The following SLC39A11 variants were observed in gnomAD, a reference collection of about 807,000 sequenced individuals.
SLC39A11 encodes the protein solute carrier family 39 member 11.
Under a neutral mutation model 36.1 loss-of-function variants are expected in SLC39A11, and 33 were observed. That is an observed-to-expected ratio of 0.91 (90% CI 0.69 to 1.22). The LOEUF is 1.22. Ranked by LOEUF, SLC39A11 falls within the 50% of genes most tolerant of loss-of-function variation. SLC39A11 has a pLI of 0.00. For missense variants in SLC39A11, 432 were observed against 430.3 expected (o/e 1.00, Z -0.03); for synonymous variants, 166 against 170.3 (o/e 0.97, Z 0.20).
intron 7 of SLC39A11, among the ~76,000 whole-genome samples, chr17:72,665,715 A>C (rs1323821720): frequency 2.6e-5 from 4 of 152,110 alleles, no homozygotes. Context: ...TTACGCAGCA[A>C]TAAGTAACTA....
chr17:73,091,627 CAAG>C (rs532581137), intron 1 of SLC39A11, among the ~76,000 whole-genome samples: 24 of 152,094 alleles, frequency 1.6e-4, no homozygotes, highest in Non-Finnish European at 2.8e-4. Flanking sequence ...CCCAAGAGAA[CAAG>C]AAGTTTTCTC....
intron 6 of SLC39A11, among the ~76,000 whole-genome samples, chr17:72,848,522 C>T (rs2079152644): frequency 6.6e-6 from 1 of 152,082 alleles, no homozygotes; most frequent in Non-Finnish European, 1.5e-5. Context: ...GAGTTCAAGA[C>T]CAGCCTGGCC....
At chr17:73,040,669 TAA>T (rs1206429109) in intron 3 of SLC39A11, among the ~76,000 whole-genome samples, 1 of 152,160 alleles carries the variant, frequency 6.6e-6, no homozygotes, top group Non-Finnish European at 1.5e-5. Flanking sequence ...TACTTCCAAA[TAA>T]AGAGCTTATT....
chr17:72,751,106 A>T (rs1395464285), intron 6 of SLC39A11, among the ~76,000 whole-genome samples: 1 of 152,056 alleles, frequency 6.6e-6, no homozygotes, highest in Admixed American at 6.5e-5. Context: ...AAATTAGACG[A>T]GCGTGGTGGT....
chr17:72,829,894 G>A (rs114749384), intron 6 of SLC39A11, among the ~76,000 whole-genome samples: 1 of 152,284 alleles, frequency 6.6e-6, no homozygotes, highest in African/African-American at 2.4e-5. Context: ...CCCGGACTCA[G>A]TAAAGGAACA....
chr17:73,018,308 C>T (rs773046396), intron 4 of SLC39A11, among the ~76,000 whole-genome samples: 19 of 152,090 alleles, frequency 1.2e-4, no homozygotes, highest in Non-Finnish European at 2.2e-4. Flanking sequence ...AGGCACTTTG[C>T]GAGGCCAAGG....
At chr17:73,048,992 G>A (rs9914201) in intron 3 of SLC39A11, among the ~76,000 whole-genome samples, 17,079 of 152,150 alleles carry the variant, frequency 0.11, 1,130 homozygotes, top group Non-Finnish European at 0.15. Context: ...ATGACAAAGG[G>A]GTGTCATTCC....
chr17:72,779,662 C>A (rs1183426192), intron 6 of SLC39A11, among the ~76,000 whole-genome samples: 1 of 152,202 alleles, frequency 6.6e-6, no homozygotes, highest in African/African-American at 2.4e-5. Flanking sequence ...TCAACATTTT[C>A]ATGGCAGCAT....
At chr17:72,872,344 T>C (rs1375656303) in intron 5 of SLC39A11, among the ~76,000 whole-genome samples, 1 of 152,012 alleles carries the variant, frequency 6.6e-6, no homozygotes, top group Non-Finnish European at 1.5e-5. Context: ...CGTTGGAAGG[T>C]CATCAGGGCC....
At chr17:72,961,549 T>C (rs1353698042) in intron 4 of SLC39A11, among the ~76,000 whole-genome samples, 6 of 152,170 alleles carry the variant, frequency 3.9e-5, no homozygotes, top group African/African-American at 1.4e-4. Flanking sequence ...CATGGAATAC[T>C]ATGCAGCCAT....
intron 6 of SLC39A11, among the ~76,000 whole-genome samples, chr17:72,824,936 CA>C (rs2077950586): frequency 6.6e-6 from 1 of 151,226 alleles, no homozygotes; most frequent in Non-Finnish European, 1.5e-5. Context: ...GGAAGCAGAG[CA>C]AAAAGTTTAG....
intron 6 of SLC39A11, among the ~76,000 whole-genome samples, chr17:72,756,873 G>A (rs1242412073): frequency 6.6e-6 from 1 of 152,088 alleles, no homozygotes; most frequent in Admixed American, 6.6e-5. Flanking sequence ...GCAATGGCCG[G>A]GTGCAATGGC....
chr17:72,705,330 T>C (rs1306394760), intron 7 of SLC39A11, among the ~76,000 whole-genome samples: 1 of 152,218 alleles, frequency 6.6e-6, no homozygotes, highest in Admixed American at 6.5e-5. Context: ...ATGTAAACTT[T>C]TGTAGAACAT....
chr17:72,829,121 G>A (rs547507848), intron 6 of SLC39A11, among the ~76,000 whole-genome samples: 1 of 152,220 alleles, frequency 6.6e-6, no homozygotes, highest in Admixed American at 6.5e-5. Context: ...AGAGGCCGAG[G>A]TGGGAGGATC....
intron 7 of SLC39A11, among the ~76,000 whole-genome samples, chr17:72,651,332 C>G (rs1214780863): frequency 2.0e-5 from 3 of 151,750 alleles, no homozygotes; most frequent in African/African-American, 7.3e-5. Context: ...GCCCACCCCC[C>G]TCCCAGGAGC....
At chr17:73,044,229 C>A (rs1273585583) in intron 3 of SLC39A11, among the ~76,000 whole-genome samples, 1 of 152,140 alleles carries the variant, frequency 6.6e-6, no homozygotes, top group African/African-American at 2.4e-5. Context: ...TACGTCCACA[C>A]AAAGACTTGC....
chr17:72,689,017 C>A (rs892203155), intron 7 of SLC39A11, among the ~76,000 whole-genome samples: 10 of 152,146 alleles, frequency 6.6e-5, no homozygotes, highest in African/African-American at 2.4e-4. Flanking sequence ...GCCCAGGGCC[C>A]CTCTTGGAGC....
chr17:72,773,327 C>G (rs1435606402), intron 6 of SLC39A11, among the ~76,000 whole-genome samples: 1 of 152,110 alleles, frequency 6.6e-6, no homozygotes, highest in South Asian at 2.1e-4. Context: ...TCCCATAATT[C>G]CCATGTGTTG....
intron 5 of SLC39A11, among the ~76,000 whole-genome samples, chr17:72,924,638 T>G (rs934557694): frequency 6.6e-6 from 1 of 151,992 alleles, no homozygotes; most frequent in Non-Finnish European, 1.5e-5. Flanking sequence ...GAAGATATAT[T>G]CTCTAATACT....
Sources: gnomAD v4.1 joint callset for allele counts (sites outside exome capture counted in the v4.1 genomes callset) on GRCh38, gnomAD v4.1.1 for gene constraint, MANE v1.5 for transcripts, NCBI Gene and HGNC (gene_info 2026-07-23, HGNC 2026-07-21) for gene names.